The following RBMS3 variants were observed in gnomAD, a reference collection of about 807,000 sequenced individuals.
The protein encoded by RBMS3 is RNA-binding motif, single-stranded-interacting protein 3.
RBMS3 carries 27 observed loss-of-function variants against 66.8 expected under a neutral mutation model. The ratio of observed to expected loss-of-function variants is 0.40; its 90% CI spans 0.30 to 0.56. The LOEUF is 0.56. Ranked by LOEUF, RBMS3 falls within the 20% of genes least tolerant of loss-of-function variation. RBMS3 has a pLI of 0.40. For missense variants in RBMS3, 513 were observed against 549.5 expected (o/e 0.93, Z 0.66); for synonymous variants, 188 against 183.0 (o/e 1.03, Z -0.22).
chr3:29,500,838 CTGTGTGTGTG>C (rs58254082), intron 3 of RBMS3, among the ~76,000 whole-genome samples: 1 of 148,190 alleles, frequency 6.7e-6, no homozygotes, highest in Non-Finnish European at 1.5e-5. Context: ...GTCAGTACAT[CTGTGTGTGTG>C]TGTGTGTGTG....
intron 1 of RBMS3, among the ~76,000 whole-genome samples, chr3:29,380,333 T>C (rs2125622175): frequency 6.6e-6 from 1 of 152,296 alleles, no homozygotes; most frequent in South Asian, 2.1e-4. Context: ...ATAAATATGG[T>C]TATTGGCATG....
At chr3:29,316,462 C>G (rs1029286104) in intron 1 of RBMS3, among the ~76,000 whole-genome samples, 1 of 151,608 alleles carries the variant, frequency 6.6e-6, no homozygotes, top group African/African-American at 2.4e-5. Flanking sequence ...ATGGTAGTTA[C>G]TATTATCATC....
chr3:29,771,755 T>A (rs551155295), intron 6 of RBMS3, among the ~76,000 whole-genome samples: 81 of 151,986 alleles, frequency 5.3e-4, no homozygotes, highest in African/African-American at 1.7e-3. Flanking sequence ...GAAACTTACA[T>A]CAGGGCGGAA....
At position 29,664,714 on chromosome 3, in the gene RBMS3, A is replaced by G. The variant is rs565203455; in HGVS notation, c.400-75006A>G. On this transcript the variant is annotated intron_variant, in intron 4 of 14. Transcript: ENST00000383767. The stretch of plus-strand genomic sequence containing the variant: ...AAAGTACTTTATTTTTTTTAGAGCA[A>G]TAGGTATTAAAGAAAGAAGTCTTTT... Among the ~76,000 whole-genome samples, 5 of 152,170 alleles carry G rather than the reference A, an allele frequency of 3.3e-5. No homozygotes were observed. The South Asian group carries it at 8.3e-4, about 25-fold the overall frequency.
At chr3:29,612,657 C>T (rs987522894) in intron 4 of RBMS3, among the ~76,000 whole-genome samples, 8 of 151,912 alleles carry the variant, frequency 5.3e-5, no homozygotes, top group African/African-American at 1.9e-4. Flanking sequence ...AGAACTGCTC[C>T]TTTAAGGCCC....
intron 4 of RBMS3, among the ~76,000 whole-genome samples, chr3:29,686,481 T>C: frequency 6.6e-6 from 1 of 152,056 alleles, no homozygotes; most frequent in Non-Finnish European, 1.5e-5. Flanking sequence ...GGCCAGGAGT[T>C]TAAGACCAGC....
At chr3:29,459,997 C>T (rs2042320270) in intron 2 of RBMS3, among the ~76,000 whole-genome samples, 1 of 152,224 alleles carries the variant, frequency 6.6e-6, no homozygotes, top group South Asian at 2.1e-4. Context: ...CACCTCCTTT[C>T]ATGTGGGTCT....
chr3:29,806,436 A>G (rs2057550252), intron 6 of RBMS3, among the ~76,000 whole-genome samples: 1 of 151,914 alleles, frequency 6.6e-6, no homozygotes, highest in South Asian at 2.1e-4. Context: ...AATGTACCAT[A>G]TTTTGTGCAA....
intron 6 of RBMS3, chr3:29,766,788 A>G (rs1160637356): frequency 6.6e-6 from 1 of 151,990 alleles, no homozygotes; most frequent in African/African-American, 2.4e-5. Flanking sequence ...CAGGAAGTTA[A>G]CAAAGATCAG....
At chr3:29,404,167 C>G (rs972637292) in intron 1 of RBMS3, among the ~76,000 whole-genome samples, 4 of 152,014 alleles carry the variant, frequency 2.6e-5, no homozygotes, top group African/African-American at 9.7e-5. Flanking sequence ...GATATCAAAC[C>G]AGCATAAAAG....
chr3:29,945,411 G>A (rs925783185), intron 12 of RBMS3, among the ~76,000 whole-genome samples: 3 of 151,610 alleles, frequency 2.0e-5, no homozygotes, highest in Non-Finnish European at 3.0e-5. Flanking sequence ...GGAAGAATAC[G>A]TTAGCATTTG....
chr3:29,544,924 T>C (rs2045896253), intron 3 of RBMS3, among the ~76,000 whole-genome samples: 1 of 152,176 alleles, frequency 6.6e-6, no homozygotes, highest in Admixed American at 6.5e-5. Context: ...GCCCTTTGGA[T>C]AGGCAATATT....
intron 1 of RBMS3, among the ~76,000 whole-genome samples, chr3:29,404,187 C>T (rs918011211): frequency 6.6e-6 from 1 of 152,044 alleles, no homozygotes; most frequent in African/African-American, 2.4e-5. Context: ...GTTTTTAAGT[C>T]CTTATTCTCA....
At chr3:30,000,673 A>G (rs2125401004) in intron 14 of RBMS3, among the ~76,000 whole-genome samples, 1 of 152,324 alleles carries the variant, frequency 6.6e-6, no homozygotes, top group South Asian at 2.1e-4. Flanking sequence ...GATAAAGAAA[A>G]TGTGGCATAT....
intron 1 of RBMS3, among the ~76,000 whole-genome samples, chr3:29,325,347 T>C (rs1384347572): frequency 6.6e-6 from 1 of 152,126 alleles, no homozygotes; most frequent in Non-Finnish European, 1.5e-5. Flanking sequence ...GGCTGAGGAA[T>C]AGTAGAAAGG....
chr3:29,378,245 G>T (rs972447093), intron 1 of RBMS3, among the ~76,000 whole-genome samples: 12 of 152,092 alleles, frequency 7.9e-5, no homozygotes, highest in Admixed American at 7.9e-4. Flanking sequence ...GGCCCAGGAG[G>T]GTGGATCACG....
intron 1 of RBMS3, chr3:29,391,180 G>T (rs1451125704): frequency 6.3e-6 from 1 of 159,626 alleles, no homozygotes; most frequent in Non-Finnish European, 1.4e-5. Context: ...AGAATCTCCG[G>T]CCAACCATGT....
intron 1 of RBMS3, among the ~76,000 whole-genome samples, chr3:29,314,008 G>A (rs778500356): frequency 2.6e-5 from 4 of 151,732 alleles, no homozygotes; most frequent in East Asian, 2.0e-4. Context: ...GGTTGCTTGG[G>A]CATTGGCAAA....
At chr3:29,745,437 C>G (rs1214431533) in intron 5 of RBMS3, among the ~76,000 whole-genome samples, 1 of 152,058 alleles carries the variant, frequency 6.6e-6, no homozygotes, top group Non-Finnish European at 1.5e-5. Flanking sequence ...AGGATCAGAG[C>G]GTAAATCATC....
Sources: allele counts gnomAD v4.1 joint callset (sites outside exome capture counted in the v4.1 genomes callset), GRCh38; gene constraint gnomAD v4.1.1; transcripts MANE v1.5; gene names NCBI Gene and HGNC (gene_info 2026-07-23, HGNC 2026-07-21).